SSPN: variants seen among roughly 807,000 people sequenced by gnomAD.
The protein encoded by SSPN is K-ras oncogene-associated protein.
In SSPN, 15 loss-of-function variants were observed where a neutral mutation model predicts 19.1. That is an observed-to-expected ratio of 0.78 (90% CI 0.52 to 1.21). The LOEUF (loss-of-function observed/expected upper bound fraction) is 1.21. Ranked by LOEUF, SSPN falls within the 50% of genes most tolerant of loss-of-function variation. The pLI is 0.00. For synonymous variants in SSPN, 147 were observed against 140.3 expected, an observed-to-expected ratio of 1.05 and a Z score of -0.34; for missense variants, 291 against 314.0, an observed-to-expected ratio of 0.93 and a Z score of 0.55.
intron 1 of SSPN, among the ~76,000 whole-genome samples, chr12:26,186,391 C>T (rs912592472): frequency 6.6e-6 from 1 of 152,184 alleles, no homozygotes; most frequent in Non-Finnish European, 1.5e-5. Flanking sequence ...GATACAAATA[C>T]ACCTCAGCTA....
chr12:26,163,032 CGTGTGTGTGT>C (rs138827156), intron 1 of SSPN, among the ~76,000 whole-genome samples: 1 of 145,966 alleles, frequency 6.9e-6, no homozygotes, highest in African/African-American at 2.6e-5. Flanking sequence ...TGCTTCAAGA[CGTGTGTGTGT>C]GTGTGTGTGT....
intron 1 of SSPN, among the ~76,000 whole-genome samples, chr12:26,145,286 G>A (rs1276615174): frequency 6.6e-6 from 1 of 152,174 alleles, no homozygotes; most frequent in East Asian, 1.9e-4. Flanking sequence ...CAGAGAGAAG[G>A]GTTGATCCTT....
intron 1 of SSPN, chr12:26,125,167 G>A: frequency 2.8e-6 from 1 of 358,316 alleles, no homozygotes; most frequent in Non-Finnish European, 5.3e-6. Flanking sequence ...GGAGAAGGCG[G>A]CGAGAGAAGG....
Position 26,231,045 on chromosome 12 carries a change from C to A in SSPN, c.701C>A (p.Thr234Lys). 6.2e-7 allele frequency: 1 copy of A among 1,613,710 alleles called. No homozygotes were observed. The highest frequency in any genetic ancestry group is 8.5e-7 in the Non-Finnish European group (1 of 1,179,716). The change falls in exon 3 of 3, where the codon ACG (threonine) becomes AAG (lysine). Residue 234 changes from threonine (T) to lysine (K), a missense_variant. By Grantham distance (78) the Thr-to-Lys change is moderately conservative (BLOSUM62 -1). Coordinates refer to ENST00000242729, the MANE Select transcript of SSPN (RefSeq NM_005086.5). ...FYVGVRICSL[T>K]ASEGPQQKI is the part of the protein sequence containing the mutation. Reference sequence around the variant, plus strand: ...GTGGGTGTCAGGATATGCTCCCTCACGGCTTCCGAAGGCCCCCAGCAAAAG... The same window carrying A: ...GTGGGTGTCAGGATATGCTCCCTCAAGGCTTCCGAAGGCCCCCAGCAAAAG...
intron 1 of SSPN, among the ~76,000 whole-genome samples, chr12:26,165,416 G>A (rs778826582): frequency 9.2e-5 from 14 of 152,184 alleles, no homozygotes; most frequent in Non-Finnish European, 1.6e-4. Context: ...AACTGCTGCT[G>A]CTTTGTTCTG....
At chr12:26,203,846 G>C (rs75320434) in intron 1 of SSPN, among the ~76,000 whole-genome samples, 12,422 of 152,036 alleles carry the variant, frequency 0.082, 960 homozygotes, top group African/African-American at 0.2. Context: ...GCTTGCAGGC[G>C]GCTGCCTTCT....
At chr12:26,139,913 G>A (rs1274646995) in intron 1 of SSPN, among the ~76,000 whole-genome samples, 1 of 152,160 alleles carries the variant, frequency 6.6e-6, no homozygotes, top group African/African-American at 2.4e-5. Context: ...AGGTGCTAGG[G>A]CTATAAAAAT....
upstream of SSPN, among the ~76,000 whole-genome samples, chr12:26,190,795 A>G (rs1254821690): frequency 6.6e-6 from 1 of 152,212 alleles, no homozygotes; most frequent in African/African-American, 2.4e-5. Flanking sequence ...ATTGTATACA[A>G]TAACATGCAC....
At chr12:26,210,684 C>G (rs1297059016) in intron 1 of SSPN, among the ~76,000 whole-genome samples, 1 of 152,098 alleles carries the variant, frequency 6.6e-6, no homozygotes, top group African/African-American at 2.4e-5. Context: ...TCTGTTGAGA[C>G]AGAACAATTT....
At chr12:26,152,208 C>T (rs532944122) in intron 1 of SSPN, among the ~76,000 whole-genome samples, 27 of 152,156 alleles carry the variant, frequency 1.8e-4, no homozygotes, top group South Asian at 1.5e-3. Context: ...TTAAAGCAAC[C>T]GATGTGAGGC....
intron 1 of SSPN, among the ~76,000 whole-genome samples, chr12:26,128,100 A>G (rs1272464689): frequency 2.6e-5 from 4 of 152,234 alleles, no homozygotes; most frequent in Non-Finnish European, 4.4e-5. Context: ...AAGCCCAGAC[A>G]GTGGGTTCGA....
intron 2 of SSPN, among the ~76,000 whole-genome samples, 174 bp downstream of exon 2, chr12:26,224,553 AT>A (rs199856823): frequency 4.0e-5 from 6 of 150,574 alleles, no homozygotes; most frequent in African/African-American, 9.7e-5. Context: ...GGTAATGCTG[AT>A]TTTTTTTTTA....
In SSPN at chr12:26,173,298, G is replaced by C. The variant is rs1944664244; in HGVS notation, c.-30-50995G>C. Reference sequence around the variant, plus strand: ...TGTAAGGGTGTCGTTCTGCATTTAAGAGTGGAAGTAGTGGTGGTGGGTGCA... The same window carrying C: ...TGTAAGGGTGTCGTTCTGCATTTAACAGTGGAAGTAGTGGTGGTGGGTGCA... On this transcript the variant is annotated intron_variant, in intron 1 of 2. Coordinates refer to the SSPN transcript ENST00000538142. Among the ~76,000 whole-genome samples, 3 of 152,194 alleles carry C rather than the reference G, an allele frequency of 2.0e-5. No individual in the cohort carries two copies. The South Asian group carries it at 6.2e-4, about 32-fold the overall frequency.
Position 26,146,558 on chromosome 12 carries a change from G to C in SSPN, c.-31+24406G>C, listed in dbSNP as rs188736483. Among the ~76,000 whole-genome samples, 201 of 152,228 alleles carry C rather than the reference G, an allele frequency of 1.3e-3. 2 individuals carry two copies. The highest frequency in any genetic ancestry group is 3.9e-3 in the African/African-American group (163 of 41,550). ...ACTGGGACTCAACAGTTCAGTGTTT[G>C]AGTGATCCTTCAAACCTTGGCCTTC... On this transcript the variant is annotated intron_variant, in intron 1 of 2. Transcript: ENST00000538142.
At chr12:26,144,354 C>G (rs1345821538) in intron 1 of SSPN, among the ~76,000 whole-genome samples, 1 of 152,150 alleles carries the variant, frequency 6.6e-6, no homozygotes, top group African/African-American at 2.4e-5. Context: ...ACAAGTGAAT[C>G]GAATGGAGTA....
At chr12:26,207,103 G>C (rs988777327) in intron 1 of SSPN, among the ~76,000 whole-genome samples, 2 of 152,238 alleles carry the variant, frequency 1.3e-5, no homozygotes, top group Admixed American at 6.5e-5. Flanking sequence ...AAAGAAAGGA[G>C]AGGGGGTCTG....
chr12:26,189,493 T>C (rs1944774793), intron 1 of SSPN, among the ~76,000 whole-genome samples: 1 of 152,126 alleles, frequency 6.6e-6, no homozygotes, highest in South Asian at 2.1e-4. Flanking sequence ...CTCTAAAACT[T>C]TCCCATCTCA....
chr12:26,197,228 G>A (rs936567468), intron 1 of SSPN, among the ~76,000 whole-genome samples: 1 of 152,170 alleles, frequency 6.6e-6, no homozygotes, highest in Non-Finnish European at 1.5e-5. Context: ...ACAGACATTA[G>A]AGAGACCTGA....
At chr12:26,229,766 T>C (rs1020744171) in intron 2 of SSPN, among the ~76,000 whole-genome samples, 4 of 152,132 alleles carry the variant, frequency 2.6e-5, no homozygotes, top group African/African-American at 9.7e-5. Context: ...TTACCTAGAG[T>C]CTCAGCAGGT....
Sources: allele counts gnomAD v4.1 joint callset (sites outside exome capture counted in the v4.1 genomes callset), GRCh38; gene constraint gnomAD v4.1.1; transcripts MANE v1.5; gene names NCBI Gene and HGNC (gene_info 2026-07-23, HGNC 2026-07-21).